Variants in NANOS3 observed in about 807,000 individuals in gnomAD.
NANOS3 encodes the protein nanos C2HC-type zinc finger 3.
Under a neutral mutation model 13.8 loss-of-function variants are expected in NANOS3, and 11 were observed. The observed-to-expected ratio is 0.80, with a 90% CI of 0.50 to 1.32. NANOS3 has a LOEUF of 1.32. Among genes scored for constraint, NANOS3 ranks in the 40% most tolerant of loss-of-function variants. The pLI is 0.00. For synonymous variants in NANOS3, 119 were observed against 115.4 expected (o/e 1.03, Z -0.20); for missense variants, 221 against 263.8 (o/e 0.84, Z 1.12).
chr19:13,877,957 G>C (rs1328441866), intron 1 of NANOS3, among the ~76,000 whole-genome samples, 192 bp downstream of exon 1: 1 of 152,176 alleles, frequency 6.6e-6, no homozygotes, highest in Non-Finnish European at 1.5e-5. Flanking sequence ...TGCTCAGGCT[G>C]GAGTGCAGTG....
chr19:13,864,240 C>G (rs1395990681), upstream of NANOS3, among the ~76,000 whole-genome samples: 1 of 152,096 alleles, frequency 6.6e-6, no homozygotes, highest in Non-Finnish European at 1.5e-5. Context: ...GGAGTACCGT[C>G]TGTGCAAGGA....
chr19:13,866,569 A>G (rs1272152548), intron 1 of NANOS3, among the ~76,000 whole-genome samples: 1 of 152,194 alleles, frequency 6.6e-6, no homozygotes, highest in African/African-American at 2.4e-5. Flanking sequence ...CGTCACCCAC[A>G]AGGGCTCGGA....
intron 1 of NANOS3, among the ~76,000 whole-genome samples, chr19:13,871,943 G>A (rs1308061498): frequency 6.6e-6 from 1 of 152,114 alleles, no homozygotes; most frequent in Non-Finnish European, 1.5e-5. Flanking sequence ...AGGCTGCAGT[G>A]AGCTGTGATT....
At chr19:13,869,094 G>T (rs79549429) in intron 1 of NANOS3, among the ~76,000 whole-genome samples, 1 of 151,998 alleles carries the variant, frequency 6.6e-6, no homozygotes, top group East Asian at 1.9e-4. Flanking sequence ...TTCTTGAGAC[G>T]GAGCCCACCC....
chr19:13,862,676 T>C (rs190790631), upstream of NANOS3, among the ~76,000 whole-genome samples: 322 of 152,226 alleles, frequency 2.1e-3, 3 homozygotes, highest in African/African-American at 7.3e-3. Context: ...GTAGCTGGGA[T>C]TATAGGCGCG....
intron 1 of NANOS3, among the ~76,000 whole-genome samples, chr19:13,867,088 G>T (rs1427827545): frequency 6.6e-6 from 1 of 151,926 alleles, no homozygotes; most frequent in Admixed American, 6.6e-5. Context: ...TTACAGGCGC[G>T]TGCCACCACA....
At position 13,877,760 on chromosome 19, in the gene NANOS3, G is replaced by C. The variant is rs1599305518; in HGVS notation, c.512G>C (p.Gly171Ala). The C allele has an allele frequency of 6.4e-7, 1 of 1,558,594 alleles. No individual in the cohort carries two copies. Among genetic ancestry groups the C allele is most frequent in the Non-Finnish European group, 8.7e-7 (1 of 1,155,014 alleles). ...DTGHRRGGGG[G>A]AGFRGAGKSE... ...GGCCACCGCCGAGGAGGAGGAGGAG[G>C]AGCAGGTGCCTGCACAGGTGGCTGG... is the stretch of plus-strand genomic sequence containing the variant. The change falls in exon 1 of 2, where the codon GGA becomes GCA. Residue 171 changes from glycine (G) to alanine (A), a missense_variant. Gly to Ala is a moderately conservative substitution (Grantham distance 60). Coordinates refer to ENST00000339133, the MANE Select transcript of NANOS3 (RefSeq NM_001098622.3).
chr19:13,874,630 C>A (rs1968471633), upstream of NANOS3: 1 of 492,254 alleles, frequency 2.0e-6, no homozygotes, highest in East Asian at 5.8e-5. Flanking sequence ...GGGTTCCTTA[C>A]TCTCTCCTCC....
intron 1 of NANOS3, among the ~76,000 whole-genome samples, chr19:13,869,799 CAT>C (rs1308259944): frequency 6.7e-6 from 1 of 149,990 alleles, no homozygotes; most frequent in Non-Finnish European, 1.5e-5. Context: ...CACGCACACA[CAT>C]ACAGTTACAT....
At chr19:13,863,226 T>A (rs1280800427), upstream of NANOS3, among the ~76,000 whole-genome samples, 2 of 152,136 alleles carry the variant, frequency 1.3e-5, no homozygotes, top group Non-Finnish European at 2.9e-5. Context: ...CTCTTTTTTT[T>A]AGAGATGAAG....
chr19:13,869,069 A>G (rs1976285067), intron 1 of NANOS3, among the ~76,000 whole-genome samples: 1 of 152,036 alleles, frequency 6.6e-6, no homozygotes, highest in African/African-American at 2.4e-5. Context: ...GACCCATAGA[A>G]ACATCCTACA....
At chr19:13,874,814 C>G (rs778352709), upstream of NANOS3, 2 of 532,542 alleles carry the variant, frequency 3.8e-6, no homozygotes, top group Non-Finnish European at 7.7e-6. Context: ...ATCCTCCTGC[C>G]GGTGACTCTG....
In NANOS3 at chr19:13,880,521, G is replaced by A. The variant is rs1402668257; in HGVS notation, c.*18G>A. 1.2e-6 allele frequency: 2 copies of A among 1,611,848 alleles called. No individual in the cohort carries two copies. Among genetic ancestry groups the A allele is most frequent in the African/African-American group, 1.3e-5 (1 of 74,830 alleles). On this transcript the variant is annotated 3_prime_UTR_variant, in exon 2 of 2. Coordinates refer to ENST00000339133, the MANE Select transcript of NANOS3 (RefSeq NM_001098622.3). ...CCACCTAGGAGGCTGCCTACACCTG[G>A]GCAAGGGCACCCGGGCTCGGCTGGA...
At chr19:13,871,093 C>T (rs1976321221) in intron 1 of NANOS3, among the ~76,000 whole-genome samples, 1 of 152,118 alleles carries the variant, frequency 6.6e-6, no homozygotes. Flanking sequence ...TCACCTCCCA[C>T]TCTGAGGGAC....
chr19:13,877,581 G>C lies in NANOS3; in HGVS notation c.333G>C (p.Val111=). ...TGTGTCCCATCCTGCGGGACTACGT[G>C]TGTCCCCAGTGCGGCGCCACACGTG... is the stretch of plus-strand genomic sequence containing the variant. ...RVLCPILRDY[V]CPQCGATRER... is the part of the protein sequence containing the mutation. Residue 111 remains valine, a synonymous_variant, in exon 1 of 2, where the codon GTG becomes GTC. Coordinates refer to ENST00000339133, the MANE Select transcript of NANOS3 (RefSeq NM_001098622.3). 2 of 1,612,284 alleles carry C rather than the reference G, an allele frequency of 1.2e-6. No individual in the cohort carries two copies. Among genetic ancestry groups the C allele is most frequent in the Non-Finnish European group, 1.7e-6 (2 of 1,180,004 alleles).
upstream of NANOS3, chr19:13,874,844 G>A (rs1208387891): frequency 1.9e-6 from 1 of 526,200 alleles, no homozygotes; most frequent in Non-Finnish European, 4.0e-6. Context: ...ATCTAGGGGG[G>A]CCTGGGGAGC....
intron 1 of NANOS3, among the ~76,000 whole-genome samples, chr19:13,867,658 C>G (rs887605983): frequency 6.6e-6 from 1 of 151,982 alleles, no homozygotes; most frequent in Non-Finnish European, 1.5e-5. Context: ...AACTCTCAGA[C>G]TCAAATGATC....
At chr19:13,866,050 A>G (rs184791367) in intron 1 of NANOS3, among the ~76,000 whole-genome samples, 2,336 of 151,702 alleles carry the variant, frequency 0.015, 67 homozygotes, top group African/African-American at 0.054. Context: ...CAGCCGCGCC[A>G]CCTCCGGAAG....
At chr19:13,871,461 T>C (rs1976326483) in intron 1 of NANOS3, among the ~76,000 whole-genome samples, 1 of 152,208 alleles carries the variant, frequency 6.6e-6, no homozygotes, top group African/African-American at 2.4e-5. Flanking sequence ...GCCGGCCTCC[T>C]GTCGCCCCAG....
Sources: allele counts gnomAD v4.1 joint callset (sites outside exome capture counted in the v4.1 genomes callset), GRCh38; gene constraint gnomAD v4.1.1; transcripts MANE v1.5; gene names NCBI Gene and HGNC (gene_info 2026-07-23, HGNC 2026-07-21).